The following DVL3 variants were observed in gnomAD, a reference collection of about 807,000 sequenced individuals.
The protein encoded by DVL3 is dishevelled segment polarity protein 3.
A neutral mutation model predicts 67.4 loss-of-function variants in DVL3; 27 were observed. The ratio of observed to expected loss-of-function variants is 0.40; its 90% CI spans 0.30 to 0.55. The LOEUF (loss-of-function observed/expected upper bound fraction) is 0.55. Among genes scored for constraint, DVL3 ranks in the 20% least tolerant of loss-of-function variants. The pLI, the probability that DVL3 is intolerant of heterozygous loss-of-function variation, is 0.46. For missense variants in DVL3, 819 were observed against 1,021.5 expected (o/e 0.80, Z 2.70); for synonymous variants, 369 against 396.8 (o/e 0.93, Z 0.83).
In DVL3 at chr3:184,163,834, CT is replaced by C; in HGVS notation, c.231+111del. ...TGGTTTTAAGCTTCAGTATCTGAAT[CT>C]TTCTTTAGTTTTGCAAATGAACTGC... On this transcript the variant is annotated intron_variant, in intron 2 of 14. Coordinates refer to ENST00000313143, the MANE Select transcript of DVL3 (RefSeq NM_004423.4). This position sits in a 1 kb window ranked among gnomAD's most constrained non-coding sequence, Gnocchi z 4.5. The C allele has an allele frequency of 2.0e-6, 2 of 992,106 alleles. No individual in the cohort carries two copies. Among genetic ancestry groups the C allele is most frequent in the South Asian group, 1.5e-5 (1 of 67,998 alleles). The allele number at this position is 992,106 out of a possible 1,614,324, so 61.5% of individuals were successfully genotyped here. A position where few individuals can be genotyped will look rare whatever the true frequency, so the allele number is the denominator to read the frequency against.
rs768039340 is a variant in DVL3 at position 184,163,696 on chromosome 3, A to G, written c.201A>G (p.Leu67=). ...AGATCTCGGATGACAATGCCAAGCT[A>G]CCATGCTTCAATGGCCGGGTGGTGT... ...KEEISDDNAK[L]PCFNGRVVSW... is the part of the protein sequence containing the mutation. Residue 67 remains leucine (L), a synonymous_variant, in exon 2 of 15, where the codon CTA becomes CTG. Coordinates refer to ENST00000313143, the MANE Select transcript of DVL3 (RefSeq NM_004423.4). This position sits in a 1 kb window ranked among gnomAD's most constrained non-coding sequence, Gnocchi z 4.5. 1.5e-5 allele frequency: 25 copies of G among 1,613,932 alleles called. 1 individual carries two copies. The South Asian group carries it at 2.6e-4, about 17-fold the overall frequency.
chr3:184,170,042 C>T lies in DVL3; in HGVS notation c.1535C>T (p.Ser512Phe). ...CTGTCTCTCCACGATCACGATGGCTCCAGTGGCGCCTCTGACCAGGACACA... is the reference window on the plus strand; with the variant it reads ...CTGTCTCTCCACGATCACGATGGCTTCAGTGGCGCCTCTGACCAGGACACA... ...ANLSLHDHDG[S>F]SGASDQDTLA... Residue 512 changes from serine to phenylalanine, a missense_variant, in exon 14 of 15, where the codon TCC becomes TTC. Coordinates refer to ENST00000313143, the MANE Select transcript of DVL3 (RefSeq NM_004423.4). This position sits in a 1 kb window ranked among gnomAD's most constrained non-coding sequence, Gnocchi z 6.5. The T allele has an allele frequency of 6.2e-7, 1 of 1,612,972 alleles. No individual in the cohort carries two copies. The highest frequency in any genetic ancestry group is 8.5e-7 in the Non-Finnish European group (1 of 1,179,360).
intron 13 of DVL3, among the ~76,000 whole-genome samples, chr3:184,168,886 C>T (rs894068449): frequency 8.5e-5 from 13 of 152,048 alleles, no homozygotes; most frequent in East Asian, 3.8e-4. Flanking sequence ...ATAATTTCCC[C>T]GGGGGCGCCA....
chr3:184,171,435 C>T lies in DVL3; in HGVS notation c.*680C>T, dbSNP rs1055616043. 12 of 988,904 alleles carry T rather than the reference C, an allele frequency of 1.2e-5. No homozygotes were observed. The highest frequency in any genetic ancestry group is 5.1e-4 in the Middle Eastern group (1 of 1,946). The allele number at this position is 988,904 out of a possible 1,614,324, so 61.3% of individuals were successfully genotyped here. A position where few individuals can be genotyped will look rare whatever the true frequency, so the allele number is the denominator to read the frequency against. ...GGAGCATCTCTGCTCTACCCCTGCCCCATGCCTGCCCTGCGTGCTGGTTCC... is the reference window on the plus strand; with the variant it reads ...GGAGCATCTCTGCTCTACCCCTGCCTCATGCCTGCCCTGCGTGCTGGTTCC... On this transcript the variant is annotated 3_prime_UTR_variant, in exon 15 of 15. Transcript: ENST00000313143.
intron 1 of DVL3, among the ~76,000 whole-genome samples, chr3:184,160,026 G>A (rs144485143): frequency 0.033 from 5,026 of 151,610 alleles, 293 homozygotes; most frequent in African/African-American, 0.12. Flanking sequence ...TGCAAGCTCC[G>A]CCTCCTGGGT....
chr3:184,155,951 C>A lies in DVL3; in HGVS notation c.161+155C>A, dbSNP rs1186732599. Among the ~76,000 whole-genome samples, 2 of 152,190 alleles carry A rather than the reference C, an allele frequency of 1.3e-5. No homozygotes were observed. Among genetic ancestry groups the A allele is most frequent in the Non-Finnish European group, 2.9e-5 (2 of 68,030 alleles). ...CCCATTTGGGCCCCTTTGGTTCCAG[C>A]CCCAGTAGCAACTCCCGTTTACCTC... On this transcript the variant is annotated intron_variant, in intron 1 of 14. Coordinates refer to ENST00000313143, the MANE Select transcript of DVL3 (RefSeq NM_004423.4). The surrounding 1 kb of genome is among the most constrained non-coding windows in gnomAD (Gnocchi z 5.4).
In DVL3 at chr3:184,163,711, CCGG is replaced by C; in HGVS notation, c.217_219del (p.Arg73del). ...ATGCCAAGCTACCATGCTTCAATGG[CCGG>C]GTGGTGTCCTGGGTAAGGAGCCCTC... On this transcript the variant is annotated inframe_deletion, in exon 2 of 15. Coordinates refer to ENST00000313143, the MANE Select transcript of DVL3 (RefSeq NM_004423.4). This position sits in a 1 kb window ranked among gnomAD's most constrained non-coding sequence, Gnocchi z 4.5. 6.2e-7 allele frequency: 1 copy of C among 1,614,000 alleles called. No homozygotes were observed. Among genetic ancestry groups the C allele is most frequent in the Non-Finnish European group, 8.5e-7 (1 of 1,179,996 alleles).
chr3:184,172,729 C>G lies in DVL3; in HGVS notation c.*1974C>G, dbSNP rs963297713. ...TGGGTGACAGAGTGAGATTCTGTCT[C>G]AAAAGCAAACTAACAAAGAAAAACA... On this transcript the variant is annotated 3_prime_UTR_variant, in exon 15 of 15. Coordinates refer to ENST00000313143, the MANE Select transcript of DVL3 (RefSeq NM_004423.4). 2 of 152,202 alleles carry G rather than the reference C, an allele frequency of 1.3e-5. No individual in the cohort carries two copies. Among genetic ancestry groups the G allele is most frequent in the African/African-American group, 4.8e-5 (2 of 41,430 alleles). The allele number at this position is 152,202 out of a possible 1,614,324, so 9.4% of individuals were successfully genotyped here.
In DVL3 at chr3:184,170,936, C is replaced by G; in HGVS notation, c.*181C>G. ...GGGGTGCACCTACCGATTGGCTCTG[C>G]AGCCCCCTAACCTGCCTCTGGCCCC... On this transcript the variant is annotated 3_prime_UTR_variant, in exon 15 of 15. Coordinates refer to ENST00000313143, the MANE Select transcript of DVL3 (RefSeq NM_004423.4). The surrounding 1 kb of genome is among the most constrained non-coding windows in gnomAD (Gnocchi z 6.5). 6.5e-7 allele frequency: 1 copy of G among 1,536,822 alleles called. No homozygotes were observed. Among genetic ancestry groups the G allele is most frequent in the African/African-American group, 1.4e-5 (1 of 73,024 alleles).
intron 1 of DVL3, chr3:184,156,592 C>T (rs1714198467): frequency 2.5e-6 from 1 of 403,602 alleles, no homozygotes; most frequent in South Asian, 1.8e-5. Context: ...GGGGTCTTCC[C>T]TTCCACCCAG....
Position 184,165,122 on chromosome 3 carries a change from C to G in DVL3, c.609C>G (p.Ser203Arg), listed in dbSNP as rs374006983. 3 of 1,613,942 alleles carry G rather than the reference C, an allele frequency of 1.9e-6. No homozygotes were observed. The South Asian group carries it at 3.3e-5, about 18-fold the overall frequency. Residue 203 changes from serine (S) to arginine (R), a missense_variant, in exon 6 of 15, where the codon AGC becomes AGG. Transcript: ENST00000313143. This position sits in a 1 kb window ranked among gnomAD's most constrained non-coding sequence, Gnocchi z 4.1. Reference protein sequence around the residue: ...DEDDSTSRFSSSTEQSSASRL... With the variant: ...DEDDSTSRFSRSTEQSSASRL... ...ACTGTGGGCCCCACAGGTTCAGCAG[C>G]TCCACAGAACAGAGCAGTGCCTCAC...
At chr3:184,160,211 A>C (rs558688136) in intron 1 of DVL3, among the ~76,000 whole-genome samples, 1 of 151,494 alleles carries the variant, frequency 6.6e-6, no homozygotes, top group African/African-American at 2.4e-5. Context: ...TTGGCCTCCC[A>C]AAGTGCTGGG....
chr3:184,167,666 C>T lies in DVL3; in HGVS notation c.1285C>T (p.Arg429Cys), dbSNP rs771458852. The part of the protein sequence containing the change: ...MASPESGLEV[R>C]DRMWLKITIP... ...CTCCCCTGAATCAGGGTTGGAGGTC[C>T]GTGACCGCATGTGGCTCAAGATTAC... Residue 429 changes from arginine (R) to cysteine (C), a missense_variant, in exon 12 of 15, where the codon CGT (arginine) becomes TGT (cysteine). Physicochemically the swap from Arg to Cys is radical, Grantham distance 180. This residue lies in a region of DVL3 where 110 missense variants were observed against 203.4 expected (regional missense o/e 0.54). Transcript: ENST00000313143. This position sits in a 1 kb window ranked among gnomAD's most constrained non-coding sequence, Gnocchi z 4.6. 1.0e-5 allele frequency: 16 copies of T among 1,608,036 alleles called. No homozygotes were observed. Among genetic ancestry groups the T allele is most frequent in the Admixed American group, 3.3e-5 (2 of 59,748 alleles).
chr3:184,170,750 AT>A lies in DVL3; in HGVS notation c.2147del (p.Met716SerfsTer37). On this transcript the variant is annotated frameshift_variant, in exon 15 of 15. Transcript: ENST00000313143. LOFTEE classifies it high-confidence loss of function. This position sits in a 1 kb window ranked among gnomAD's most constrained non-coding sequence, Gnocchi z 6.5. ...GNPSEFFVDV[M>X] is the part of the protein sequence containing the mutation. ...CCCCAGTGAGTTCTTTGTGGATGTGATGTGAGCAGGGCCCCTCCCCCAGCTC... is the reference window on the plus strand; with the variant it reads ...CCCCAGTGAGTTCTTTGTGGATGTGAGTGAGCAGGGCCCCTCCCCCAGCTC... 1 of 1,613,090 alleles carries A rather than the reference AT, an allele frequency of 6.2e-7. No individual in the cohort carries two copies. The highest frequency in any genetic ancestry group is 1.1e-5 in the South Asian group (1 of 91,054).
chr3:184,172,939 G>C lies in DVL3; in HGVS notation c.*2184G>C, dbSNP rs368425760. On this transcript the variant is annotated 3_prime_UTR_variant, in exon 15 of 15. Transcript: ENST00000313143. Reference sequence around the variant, plus strand: ...CCGACTCTCTTGAGAATTTCTCAACGATTGCTCATGCCTGTCAGTATCAGT... The same window carrying C: ...CCGACTCTCTTGAGAATTTCTCAACCATTGCTCATGCCTGTCAGTATCAGT... 9 of 152,292 alleles carry C rather than the reference G, an allele frequency of 5.9e-5. No individual in the cohort carries two copies. The South Asian group carries it at 1.9e-3, about 32-fold the overall frequency. 9.4% of individuals were successfully genotyped at this position (152,292 alleles called of 1,614,324 possible).
chr3:184,158,045 T>A (rs1326385500), intron 1 of DVL3, among the ~76,000 whole-genome samples: 1 of 152,168 alleles, frequency 6.6e-6, no homozygotes, highest in Non-Finnish European at 1.5e-5. Context: ...AGTTTACAAA[T>A]GAAACTCTGT....
At chr3:184,169,827 C>T (rs999308149) in intron 13 of DVL3, among the ~76,000 whole-genome samples, 179 bp from the exon 14 acceptor site, 2 of 152,142 alleles carry the variant, frequency 1.3e-5, no homozygotes, top group African/African-American at 4.8e-5. Context: ...GAAGGGTCTC[C>T]CCGGGGCTGG....
Position 184,166,931 on chromosome 3 carries a change from C to T in DVL3, c.1154C>T (p.Thr385Ile), listed in dbSNP as rs1560119307. 1.2e-6 allele frequency: 2 copies of T among 1,614,158 alleles called. No individual in the cohort carries two copies. Among genetic ancestry groups the T allele is most frequent in the East Asian group, 2.2e-5 (1 of 44,876 alleles). The change falls in exon 11 of 15, where the codon ACC becomes ATC. Residue 385 changes from threonine to isoleucine, a missense_variant. By Grantham distance (89) the Thr-to-Ile change is moderately conservative (BLOSUM62 -1). Around this residue, in one of 3 missense-constraint regions of DVL3, gnomAD observed 110 missense variants for 203.4 expected, o/e 0.54. Coordinates refer to ENST00000313143, the MANE Select transcript of DVL3 (RefSeq NM_004423.4). The surrounding 1 kb of genome is among the most constrained non-coding windows in gnomAD (Gnocchi z 6.7). ...YGMSPSLSTITSTSSSITSSI... is the reference protein window; with the variant it reads ...YGMSPSLSTIISTSSSITSSI... Reference sequence around the variant, plus strand: ...ATGAGCCCCTCCCTGAGCACCATCACCTCCACCAGCTCCTCCATCACCAGT... The same window carrying T: ...ATGAGCCCCTCCCTGAGCACCATCATCTCCACCAGCTCCTCCATCACCAGT...
chr3:184,169,540 C>CAA (rs879655215), intron 13 of DVL3, among the ~76,000 whole-genome samples: 5 of 146,676 alleles, frequency 3.4e-5, no homozygotes, highest in African/African-American at 1.2e-4. Context: ...ACTAAACATA[C>CAA]AAAAAAAAAA....
Sources: allele counts gnomAD v4.1 joint callset (sites outside exome capture counted in the v4.1 genomes callset), GRCh38; gene constraint gnomAD v4.1.1; regional missense constraint gnomAD v4.1.1; non-coding constraint Gnocchi (gnomAD v3.1); transcripts MANE v1.5; gene names NCBI Gene and HGNC (gene_info 2026-07-23, HGNC 2026-07-21).